PPP1R1A: variants seen among roughly 807,000 people sequenced by gnomAD.
The protein encoded by PPP1R1A is protein phosphatase 1 regulatory subunit 1A.
Under a neutral mutation model 23.9 loss-of-function variants are expected in PPP1R1A, and 18 were observed. That is an observed-to-expected ratio of 0.75 (90% confidence interval 0.52 to 1.12). The LOEUF (loss-of-function observed/expected upper bound fraction) is 1.12, where lower values mean the gene tolerates loss of function less well. Among genes scored for constraint, PPP1R1A ranks in the 50% most tolerant of loss-of-function variants. PPP1R1A has a pLI of 0.00. For synonymous variants in PPP1R1A, 84 were observed against 80.7 expected, an observed-to-expected ratio of 1.04 and a Z score of -0.22; for missense variants, 207 against 223.8, an observed-to-expected ratio of 0.92 and a Z score of 0.48.
intron 6 of PPP1R1A, 68 bp downstream of exon 6, chr12:54,580,876 C>T (rs1472852162): frequency 2.4e-6 from 3 of 1,261,170 alleles, no homozygotes; most frequent in Non-Finnish European, 3.5e-6. Flanking sequence ...CAAATATTAG[C>T]CCCTTGCTTT....
Position 54,581,199 on chromosome 12 carries a change from G to T in PPP1R1A, c.404-149C>A. 4.9e-6 allele frequency: 3 copies of T among 616,818 alleles called. No homozygotes were observed. In the South Asian group the frequency reaches 6.2e-5, roughly 13 times the overall value. 38.2% of individuals were successfully genotyped at this position (616,818 alleles called of 1,614,324 possible). A position where few individuals can be genotyped will look rare whatever the true frequency, so the allele number is the denominator to read the frequency against. ...GGTGCAATCAGGCAAGACCAACAGG[G>T]TTTTCTTTGATCACAATTACTACTA... On this transcript the variant is annotated intron_variant, in intron 5 of 6. Transcript: ENST00000257905. The surrounding 1 kb of genome is among the most constrained non-coding windows in gnomAD (Gnocchi z 4.1).
At position 54,588,450 on chromosome 12, in the gene PPP1R1A, C is replaced by T. The variant is rs773560862; in HGVS notation, c.39G>A (p.Thr13=). 2 of 1,488,540 alleles carry T rather than the reference C, an allele frequency of 1.3e-6. No homozygotes were observed. The highest frequency in any genetic ancestry group is 1.3e-5 in the South Asian group (1 of 77,894). The allele number at this position is 1,488,540 out of a possible 1,614,324, so 92.2% of individuals were successfully genotyped here. The change falls in exon 1 of 7, where the codon ACG becomes ACA. Residue 13 remains threonine, a synonymous_variant. Coordinates refer to ENST00000257905, the MANE Select transcript of PPP1R1A (RefSeq NM_006741.4). ...CAAGGTGCGGCTCCAGCAGCGGGACCGTGAACTGGATCTTTCGGGGGCTGT... is the reference window on the plus strand; with the variant it reads ...CAAGGTGCGGCTCCAGCAGCGGGACTGTGAACTGGATCTTTCGGGGGCTGT... ...QDNSPRKIQF[T]VPLLEPHLDP...
rs1217993644 is a variant in PPP1R1A at position 54,579,881 on chromosome 12, T to G, written c.*506A>C. 1.0e-6 allele frequency: 1 copy of G among 986,352 alleles called. No individual in the cohort carries two copies. The highest frequency in any genetic ancestry group is 1.2e-6 in the Non-Finnish European group (1 of 830,712). 61.1% of individuals were successfully genotyped at this position (986,352 alleles called of 1,614,324 possible). The stretch of plus-strand genomic sequence containing the variant: ...GCCAAGTGCCATGGTGCAGTTCCCC[T>G]TTTGTCCAGCAGATGGAGCCCACCG... On this transcript the variant is annotated 3_prime_UTR_variant, in exon 7 of 7. Coordinates refer to ENST00000257905, the MANE Select transcript of PPP1R1A (RefSeq NM_006741.4).
rs187354971 is a variant in PPP1R1A at position 54,582,267 on chromosome 12, T to G, written c.248-136A>C. The G allele has an allele frequency of 9.5e-5, 87 of 913,196 alleles. No individual in the cohort carries two copies. In the African/African-American group the frequency reaches 1.3e-3, roughly 13 times the overall value. 56.6% of individuals were successfully genotyped at this position (913,196 alleles called of 1,614,324 possible). A position where few individuals can be genotyped will look rare whatever the true frequency, so the allele number is the denominator to read the frequency against. ...TTTGACTTTCCCATCCACTGAGATC[T>G]GAACAAGGAGGGGACATTAGCTGGC... On this transcript the variant is annotated intron_variant, in intron 4 of 6. Transcript: ENST00000257905.
Position 54,582,809 on chromosome 12 carries a change from A to G in PPP1R1A, c.184-14T>C. The G allele has an allele frequency of 1.2e-6, 2 of 1,612,878 alleles. No individual in the cohort carries two copies. Among genetic ancestry groups the G allele is most frequent in the South Asian group, 2.2e-5 (2 of 91,024 alleles). ...TGCCAAAGTGGACTGTGAAGGGCAC[A>G]GAGCACAGATGGGCGCCAGCCCCCC... On this transcript the variant is annotated splice_polypyrimidine_tract_variant and intron_variant, in intron 3 of 6. Transcript: ENST00000257905.
intron 2 of PPP1R1A, among the ~76,000 whole-genome samples, chr12:54,583,794 G>A (rs1369676352): frequency 2.0e-5 from 3 of 152,156 alleles, no homozygotes; most frequent in Non-Finnish European, 4.4e-5. Context: ...ACCATTCTCT[G>A]AGAACTTGTT....
At chr12:54,586,587 T>C (rs1047563911) in intron 1 of PPP1R1A, among the ~76,000 whole-genome samples, 4 of 152,118 alleles carry the variant, frequency 2.6e-5, no homozygotes, top group Admixed American at 2.6e-4. Context: ...AGCCTGGAGC[T>C]TTTTGCCTAA....
chr12:54,584,160 T>C, intron 2 of PPP1R1A, 100 bp downstream of exon 2: 1 of 1,215,460 alleles, frequency 8.2e-7, no homozygotes, highest in Non-Finnish European at 1.2e-6. Context: ...CATCCCCGCC[T>C]TCTCAGAGCT....
Position 54,580,360 on chromosome 12 carries a change from C to T in PPP1R1A, c.*27G>A. ...TGTCCATGCATTCCCAAACTGCAGT[C>T]TTGATCCCAAGATACCTCCTCCTCT... is the stretch of plus-strand genomic sequence containing the variant. On this transcript the variant is annotated 3_prime_UTR_variant, in exon 7 of 7. Transcript: ENST00000257905. 3 of 1,613,576 alleles carry T rather than the reference C, an allele frequency of 1.9e-6. No homozygotes were observed. Among genetic ancestry groups the T allele is most frequent in the South Asian group, 2.2e-5 (2 of 90,944 alleles).
intron 4 of PPP1R1A, 88 bp downstream of exon 4, chr12:54,582,644 T>C: frequency 6.8e-7 from 1 of 1,479,156 alleles, no homozygotes; most frequent in Non-Finnish European, 9.4e-7. Flanking sequence ...TAAAGGCAGA[T>C]TTAACGACCT....
Position 54,579,415 on chromosome 12 carries a change from G to C in PPP1R1A, c.*972C>G. On this transcript the variant is annotated 3_prime_UTR_variant, in exon 7 of 7. Coordinates refer to ENST00000257905, the MANE Select transcript of PPP1R1A (RefSeq NM_006741.4). Reference sequence around the variant, plus strand: ...GAGGAGGCCCCGAGGGCTCATAGTAGCTGCATGGCAGAAGTGGGACCTGAC... The same window carrying C: ...GAGGAGGCCCCGAGGGCTCATAGTACCTGCATGGCAGAAGTGGGACCTGAC... The C allele has an allele frequency of 1.0e-6, 1 of 985,392 alleles. No homozygotes were observed. 61.0% of individuals were successfully genotyped at this position (985,392 alleles called of 1,614,324 possible).
intron 3 of PPP1R1A, 147 bp from the exon 4 acceptor site, chr12:54,582,942 G>T: frequency 2.2e-6 from 2 of 905,706 alleles, no homozygotes; most frequent in Non-Finnish European, 3.3e-6. Flanking sequence ...TGGGGTAGGT[G>T]TGAGCTTCAA....
chr12:54,582,835 C>A, intron 3 of PPP1R1A, 40 bp from the exon 4 acceptor site: 1 of 1,594,558 alleles, frequency 6.3e-7, no homozygotes, highest in Non-Finnish European at 8.6e-7. Context: ...CCAGCCCCCC[C>A]TTGCTCTCCA....
At position 54,582,768 on chromosome 12, in the gene PPP1R1A, G is replaced by T; in HGVS notation, c.211C>A (p.Arg71=). The T allele has an allele frequency of 6.2e-7, 1 of 1,613,688 alleles. No homozygotes were observed. The highest frequency in any genetic ancestry group is 8.5e-7 in the Non-Finnish European group (1 of 1,179,888). ...GGTGTGATCCTTGTCATCTTCTTCC[G>T]TTGCCGTGGAGACATTGCCAAAGTG... ...KSTLAMSPRQ[R]KKMTRITPTM... is the part of the protein sequence containing the mutation. The change falls in exon 4 of 7, where the codon CGG becomes AGG. Residue 71 remains arginine (R), a synonymous_variant. Transcript: ENST00000257905.
In PPP1R1A at chr12:54,588,472, C is replaced by T; in HGVS notation, c.17G>A (p.Ser6Asn). 1.4e-6 allele frequency: 2 copies of T among 1,462,870 alleles called. No individual in the cohort carries two copies. Among genetic ancestry groups the T allele is most frequent in the Non-Finnish European group, 9.1e-7 (1 of 1,100,366 alleles). 90.6% of individuals were successfully genotyped at this position (1,462,870 alleles called of 1,614,324 possible). A position where few individuals can be genotyped will look rare whatever the true frequency, so the allele number is the denominator to read the frequency against. ...GACCGTGAACTGGATCTTTCGGGGGCTGTTGTCTTGCTCCATGGCTGGGGC... is the reference window on the plus strand; with the variant it reads ...GACCGTGAACTGGATCTTTCGGGGGTTGTTGTCTTGCTCCATGGCTGGGGC... MEQDN[S>N]PRKIQFTVPL... is the part of the protein sequence containing the mutation. Residue 6 changes from serine to asparagine, a missense_variant, in exon 1 of 7, where the codon AGC becomes AAC. Ser to Asn is a conservative substitution (Grantham distance 46, BLOSUM62 1). Transcript: ENST00000257905.
Position 54,581,799 on chromosome 12 carries a change from A to G in PPP1R1A, c.403+177T>C, listed in dbSNP as rs1189996394. ...GGCTTGGTGTCACTCAGTAAGGAAAAGTGAAGATTCAAATATATGCCGAAC... is the reference window on the plus strand; with the variant it reads ...GGCTTGGTGTCACTCAGTAAGGAAAGGTGAAGATTCAAATATATGCCGAAC... On this transcript the variant is annotated intron_variant, in intron 5 of 6. Coordinates refer to ENST00000257905, the MANE Select transcript of PPP1R1A (RefSeq NM_006741.4). This position sits in a 1 kb window ranked among gnomAD's most constrained non-coding sequence, Gnocchi z 4.1. 6.6e-6 allele frequency among the ~76,000 whole-genome samples: 1 copy of G among 152,172 alleles called. No individual in the cohort carries two copies. Among genetic ancestry groups the G allele is most frequent in the Admixed American group, 6.5e-5 (1 of 15,278 alleles).
chr12:54,579,821 G>A lies in PPP1R1A; in HGVS notation c.*566C>T. 1 of 985,644 alleles carries A rather than the reference G, an allele frequency of 1.0e-6. No homozygotes were observed. Among genetic ancestry groups the A allele is most frequent in the Non-Finnish European group, 1.2e-6 (1 of 830,124 alleles). 61.1% of individuals were successfully genotyped at this position (985,644 alleles called of 1,614,324 possible). ...CTGGGGCTTGGAGGGCAGGCGAGGA[G>A]GTATCGGCACACCACCATACCCTCT... On this transcript the variant is annotated 3_prime_UTR_variant, in exon 7 of 7. Coordinates refer to ENST00000257905, the MANE Select transcript of PPP1R1A (RefSeq NM_006741.4).
Position 54,579,274 on chromosome 12 carries a change from C to T in PPP1R1A, c.*1113G>A, listed in dbSNP as rs1957825886. Reference sequence around the variant, plus strand: ...GTGTGTTCACTGGGTACAAGTTGACCAAGCATCTTCACATACATACACTCT... The same window carrying T: ...GTGTGTTCACTGGGTACAAGTTGACTAAGCATCTTCACATACATACACTCT... On this transcript the variant is annotated 3_prime_UTR_variant, in exon 7 of 7. Coordinates refer to ENST00000257905, the MANE Select transcript of PPP1R1A (RefSeq NM_006741.4). 1 of 985,152 alleles carries T rather than the reference C, an allele frequency of 1.0e-6. No homozygotes were observed. The highest frequency in any genetic ancestry group is 1.7e-5 in the African/African-American group (1 of 57,206). The allele number at this position is 985,152 out of a possible 1,614,324, so 61.0% of individuals were successfully genotyped here.
At position 54,580,285 on chromosome 12, in the gene PPP1R1A, T is replaced by A; in HGVS notation, c.*102A>T. On this transcript the variant is annotated 3_prime_UTR_variant, in exon 7 of 7. Coordinates refer to ENST00000257905, the MANE Select transcript of PPP1R1A (RefSeq NM_006741.4). ...ACCTAACACCAAATTTATCACTTTT[T>A]AAAAACAAGAGATTTTCCCCAAAAG... The A allele has an allele frequency of 1.3e-6, 2 of 1,561,926 alleles. No homozygotes were observed. The highest frequency in any genetic ancestry group is 1.7e-6 in the Non-Finnish European group (2 of 1,153,636).
Sources: allele counts gnomAD v4.1 joint callset (sites outside exome capture counted in the v4.1 genomes callset), GRCh38; gene constraint gnomAD v4.1.1; non-coding constraint Gnocchi (gnomAD v3.1); transcripts MANE v1.5; gene names NCBI Gene and HGNC (gene_info 2026-07-23, HGNC 2026-07-21).